Variants in ROR2 observed in about 807,000 individuals in gnomAD.
ROR2 encodes tyrosine-protein kinase transmembrane receptor ROR2.
Under a neutral mutation model 74.9 loss-of-function variants are expected in ROR2, and 33 were observed. The observed-to-expected ratio is 0.44, with a 90% CI of 0.33 to 0.59. The LOEUF (loss-of-function observed/expected upper bound fraction) is 0.59. Ranked by LOEUF, ROR2 falls within the 20% of genes least tolerant of loss-of-function variation. The pLI is 0.02. For synonymous variants in ROR2, 586 were observed against 558.7 expected, an observed-to-expected ratio of 1.05 and a Z score of -0.69; for missense variants, 1,216 against 1,313.8, an observed-to-expected ratio of 0.93 and a Z score of 1.15.
intron 1 of ROR2, among the ~76,000 whole-genome samples, chr9:91,934,805 T>C (rs1433408388): frequency 6.6e-6 from 1 of 152,132 alleles, no homozygotes; most frequent in Non-Finnish European, 1.5e-5. Flanking sequence ...TGAAAACATA[T>C]ACAACACTTC....
At position 91,722,619 on chromosome 9, in the gene ROR2, T is replaced by C. The variant is rs781091936; in HGVS notation, c.*1043A>G. The C allele has an allele frequency of 7.7e-6, 6 of 779,812 alleles. No individual in the cohort carries two copies. The highest frequency in any genetic ancestry group is 2.2e-4 in the Middle Eastern group (1 of 4,464). 48.3% of individuals were successfully genotyped at this position (779,812 alleles called of 1,614,324 possible). A position where few individuals can be genotyped will look rare whatever the true frequency, so the allele number is the denominator to read the frequency against. On this transcript the variant is annotated 3_prime_UTR_variant, in exon 9 of 9. Coordinates refer to ENST00000375708, the MANE Select transcript of ROR2 (RefSeq NM_004560.4). ...AATCACATGCTTTGTTTCACTTTAT[T>C]GGATACACCGGGTGTGGGATTTACA... is the stretch of plus-strand genomic sequence containing the variant.
Position 91,722,785 on chromosome 9 carries a change from C to A in ROR2, c.*877G>T. 1 of 595,982 alleles carries A rather than the reference C, an allele frequency of 1.7e-6. No homozygotes were observed. The allele number at this position is 595,982 out of a possible 1,614,324, so 36.9% of individuals were successfully genotyped here. On this transcript the variant is annotated 3_prime_UTR_variant, in exon 9 of 9. Transcript: ENST00000375708. ...ACCAACTGGATCCCAACGTGGGTAA[C>A]ATAAACAGTTAAATTACTAAAGTCA...
At position 91,751,388 on chromosome 9, in the gene ROR2, A is replaced by G. The variant is rs1384971700; in HGVS notation, c.494+4683T>C. Among the ~76,000 whole-genome samples the G allele has an allele frequency of 2.6e-5, 4 of 152,356 alleles. No individual in the cohort carries two copies. The East Asian group carries it at 5.8e-4, about 22-fold the overall frequency. ...GAGACCTACATAAAACAGAACACAA[A>G]AAGGTGAAAGACTAAAGAGTGGGAC... On this transcript the variant is annotated intron_variant, in intron 4 of 8. Transcript: ENST00000375708.
At chr9:91,793,960 T>C (rs1415778795) in intron 1 of ROR2, among the ~76,000 whole-genome samples, 1 of 152,184 alleles carries the variant, frequency 6.6e-6, no homozygotes, top group African/African-American at 2.4e-5. Context: ...CCTCAAAATC[T>C]CTGCTGCACC....
At chr9:91,766,343 G>A (rs1413877948) in intron 2 of ROR2, among the ~76,000 whole-genome samples, 3 of 152,160 alleles carry the variant, frequency 2.0e-5, no homozygotes, top group East Asian at 1.9e-4. Context: ...CTTCTGCTGC[G>A]GCAGCCCAGG....
intron 2 of ROR2, among the ~76,000 whole-genome samples, chr9:91,760,941 T>A (rs1207363802): frequency 6.6e-6 from 1 of 152,222 alleles, no homozygotes. Flanking sequence ...TTGTAAATAC[T>A]TTTTCTATTA....
In ROR2 at chr9:91,945,859, G is replaced by A. The variant is rs562383607; in HGVS notation, c.97+4008C>T. On this transcript the variant is annotated intron_variant, in intron 1 of 8. Transcript: ENST00000375708. ...ACGCAAGCAAAGCTGTCCCGCCCTC[G>A]TTTCCAACTTGGCAAGCTCTTCAAC... 5.9e-5 allele frequency among the ~76,000 whole-genome samples: 9 copies of A among 152,270 alleles called. No individual in the cohort carries two copies. The South Asian group carries it at 6.2e-4, about 11-fold the overall frequency.
At chr9:91,781,769 G>T (rs533350460) in intron 1 of ROR2, among the ~76,000 whole-genome samples, 3 of 152,116 alleles carry the variant, frequency 2.0e-5, no homozygotes, top group Non-Finnish European at 4.4e-5. Flanking sequence ...ACTCTACTTT[G>T]GAAATAGGGA....
chr9:91,747,294 G>C (rs1368602141), intron 4 of ROR2, among the ~76,000 whole-genome samples: 1 of 152,196 alleles, frequency 6.6e-6, no homozygotes, highest in Non-Finnish European at 1.5e-5. Context: ...TCTTATGGTG[G>C]TAAATCCTTT....
At chr9:91,881,728 A>T (rs1324381019) in intron 1 of ROR2, among the ~76,000 whole-genome samples, 1 of 152,164 alleles carries the variant, frequency 6.6e-6, no homozygotes, top group East Asian at 1.9e-4. Context: ...TCATTAGCGA[A>T]GGTGATTAGC....
intron 1 of ROR2, among the ~76,000 whole-genome samples, chr9:91,914,540 T>C (rs1825461674): frequency 6.6e-6 from 1 of 152,164 alleles, no homozygotes; most frequent in Non-Finnish European, 1.5e-5. Context: ...GAGCTTTCCA[T>C]CCTCCTGCCG....
At chr9:91,726,226 G>T (rs1328567960) in intron 8 of ROR2, among the ~76,000 whole-genome samples, 1 of 152,156 alleles carries the variant, frequency 6.6e-6, no homozygotes, top group Non-Finnish European at 1.5e-5. Context: ...TGTTGTTCTT[G>T]TGTGTCTTCT....
chr9:91,891,652 G>A (rs1460266006), intron 1 of ROR2, among the ~76,000 whole-genome samples: 1 of 152,194 alleles, frequency 6.6e-6, no homozygotes, highest in Non-Finnish European at 1.5e-5. Flanking sequence ...GTTCCTTTTG[G>A]TTGCAGGACT....
At position 91,927,874 on chromosome 9, in the gene ROR2, A is replaced by G. The variant is rs537444166; in HGVS notation, c.97+21993T>C. 8.5e-5 allele frequency among the ~76,000 whole-genome samples: 13 copies of G among 152,164 alleles called. No individual in the cohort carries two copies. In the South Asian group the frequency reaches 2.5e-3, roughly 29 times the overall value. On this transcript the variant is annotated intron_variant, in intron 1 of 8. Transcript: ENST00000375708. The stretch of plus-strand genomic sequence containing the variant: ...CCACCGCGCCCAGCCTCTAGATTCT[A>G]TAACTGTCTACTTGGCATCCATTCA...
At chr9:91,842,952 A>G (rs1394893708) in intron 1 of ROR2, among the ~76,000 whole-genome samples, 1 of 152,244 alleles carries the variant, frequency 6.6e-6, no homozygotes, top group Non-Finnish European at 1.5e-5. Context: ...AGAGCTGCCT[A>G]AACACCCTTG....
At chr9:91,924,114 G>C (rs1234946513) in intron 1 of ROR2, among the ~76,000 whole-genome samples, 1 of 152,238 alleles carries the variant, frequency 6.6e-6, no homozygotes, top group Non-Finnish European at 1.5e-5. Context: ...TCTGCTGCCT[G>C]TCTGCACTGA....
At chr9:91,910,148 C>T (rs531731254) in intron 1 of ROR2, among the ~76,000 whole-genome samples, 111 of 152,216 alleles carry the variant, frequency 7.3e-4, no homozygotes, top group African/African-American at 2.5e-3. Context: ...GCGTGAGCAA[C>T]CATGCCCAGC....
At chr9:91,780,514 G>A (rs185585739) in intron 1 of ROR2, among the ~76,000 whole-genome samples, 38 of 152,234 alleles carry the variant, frequency 2.5e-4, no homozygotes, top group African/African-American at 1.9e-4. Context: ...TTGGGCTGGC[G>A]TGGTGGCTCA....
chr9:91,902,920 G>C (rs1830712545), intron 1 of ROR2, among the ~76,000 whole-genome samples: 1 of 152,092 alleles, frequency 6.6e-6, no homozygotes, highest in South Asian at 2.1e-4. Context: ...CATAGAAACA[G>C]AAGGTAGAAT....
Sources: allele counts gnomAD v4.1 joint callset (sites outside exome capture counted in the v4.1 genomes callset), GRCh38; gene constraint gnomAD v4.1.1; transcripts MANE v1.5; gene names NCBI Gene and HGNC (gene_info 2026-07-23, HGNC 2026-07-21).